SETBP1: variants seen among roughly 807,000 people sequenced by gnomAD.
SETBP1 encodes SET-binding protein.
Under a neutral mutation model 101.0 loss-of-function variants are expected in SETBP1, and 9 were observed. That is an observed-to-expected ratio of 0.09 (90% CI 0.05 to 0.16). The LOEUF (loss-of-function observed/expected upper bound fraction) is 0.16, where lower values mean the gene tolerates loss of function less well. SETBP1 is among the 10% of genes least tolerant of loss of function. SETBP1 has a pLI of 1.00. For synonymous variants in SETBP1, 818 were observed against 788.5 expected (o/e 1.04, Z -0.63); for missense variants, 1,858 against 2,033.8 (o/e 0.91, Z 1.66).
At position 44,951,703 on chromosome 18, in the gene SETBP1, G is replaced by T. The variant is rs2071356521; in HGVS notation, c.2363G>T (p.Gly788Val). The T allele has an allele frequency of 6.2e-7, 1 of 1,614,072 alleles. No individual in the cohort carries two copies. The highest frequency in any genetic ancestry group is 2.2e-5 in the East Asian group (1 of 44,874). ...PLSTQLGGSN[G>V]NLSPASTETN... is the part of the protein sequence containing the mutation. ...TCAACACAGTTAGGTGGGTCCAATG[G>T]CAACCTGAGCCCTGCCAGCACTGAA... Residue 788 changes from glycine (G) to valine (V), a missense_variant, in exon 4 of 6, where the codon GGC becomes GTC. Around this residue, in one of 12 missense-constraint regions of SETBP1, gnomAD observed 121 missense variants for 138.0 expected, o/e 0.88. Coordinates refer to ENST00000649279, the MANE Select transcript of SETBP1 (RefSeq NM_015559.3). This position sits in a 1 kb window ranked among gnomAD's most constrained non-coding sequence, Gnocchi z 7.8.
Position 44,953,088 on chromosome 18 carries a change from G to C in SETBP1, c.3748G>C (p.Asp1250His). ...QHWTQAKEKGDLSSEPVDSCT... is the reference protein window; with the variant it reads ...QHWTQAKEKGHLSSEPVDSCT... ...TTGGACACAGGCCAAGGAAAAAGGAGACTTGAGCAGTGAGCCTGTGGACTC... is the reference window on the plus strand; with the variant it reads ...TTGGACACAGGCCAAGGAAAAAGGACACTTGAGCAGTGAGCCTGTGGACTC... The change falls in exon 4 of 6, where the codon GAC (aspartate) becomes CAC (histidine). Residue 1250 changes from aspartate to histidine, a missense_variant. Physicochemically the swap from Asp to His is moderately conservative, Grantham distance 81. Around this residue, in one of 12 missense-constraint regions of SETBP1, gnomAD observed 417 missense variants for 389.1 expected, o/e 1.07. Transcript: ENST00000649279. 2.5e-6 allele frequency: 4 copies of C among 1,614,206 alleles called. No individual in the cohort carries two copies. Among genetic ancestry groups the C allele is most frequent in the Non-Finnish European group, 3.4e-6 (4 of 1,180,034 alleles).
intron 2 of SETBP1, among the ~76,000 whole-genome samples, chr18:44,765,393 T>C (rs2070745341): frequency 6.6e-6 from 1 of 152,244 alleles, no homozygotes; most frequent in Non-Finnish European, 1.5e-5. Context: ...TTTCCAGCTT[T>C]AAGCAGGCAT....
intron 2 of SETBP1, among the ~76,000 whole-genome samples, chr18:44,841,602 G>A (rs2072619432): frequency 6.6e-6 from 1 of 152,216 alleles, no homozygotes. Flanking sequence ...TTGACTGCTA[G>A]TTCAGTGCCT....
At chr18:44,697,712 G>A (rs998912153) in intron 1 of SETBP1, among the ~76,000 whole-genome samples, 2 of 152,220 alleles carry the variant, frequency 1.3e-5, no homozygotes, top group Non-Finnish European at 2.9e-5. Flanking sequence ...GACAATACAA[G>A]GCTGGTATTT....
chr18:44,743,752 G>T (rs1006751352), intron 2 of SETBP1, among the ~76,000 whole-genome samples: 2 of 151,988 alleles, frequency 1.3e-5, no homozygotes, highest in Non-Finnish European at 1.5e-5. Context: ...CTTTTGTTTC[G>T]ATTTTATTCT....
chr18:44,970,401 A>G lies in SETBP1; in HGVS notation c.4000+17061A>G, dbSNP rs143995374. Among the ~76,000 whole-genome samples the G allele has an allele frequency of 8.5e-3, 1,290 of 152,352 alleles. 22 individuals are homozygous for G. The highest frequency in any genetic ancestry group is 0.029 in the African/African-American group (1,225 of 41,576). ...ATATGTAGCAGAATGCCTGACTCAT[A>G]GAAAATATACCATAAATGTTAGTGG... On this transcript the variant is annotated intron_variant, in intron 4 of 5. Coordinates refer to ENST00000649279, the MANE Select transcript of SETBP1 (RefSeq NM_015559.3).
intron 2 of SETBP1, among the ~76,000 whole-genome samples, chr18:44,835,510 C>CT (rs1161344360): frequency 1.3e-5 from 2 of 152,100 alleles, no homozygotes; most frequent in African/African-American, 4.8e-5. Flanking sequence ...CCAACTAATA[C>CT]TTTTTTTGTC....
intron 3 of SETBP1, among the ~76,000 whole-genome samples, chr18:44,897,406 T>G (rs752506065): frequency 2.6e-5 from 4 of 152,186 alleles, no homozygotes; most frequent in Non-Finnish European, 5.9e-5. Context: ...GTCGAACATA[T>G]GGAGGCTCTG....
chr18:44,908,502 A>G (rs1472739497), intron 3 of SETBP1, among the ~76,000 whole-genome samples: 6 of 152,182 alleles, frequency 3.9e-5, no homozygotes, highest in African/African-American at 1.2e-4. Context: ...TCAATGAGCA[A>G]TAAGTATCAG....
At chr18:44,875,713 G>GT (rs1440022321) in intron 3 of SETBP1, among the ~76,000 whole-genome samples, 1 of 151,988 alleles carries the variant, frequency 6.6e-6, no homozygotes, top group African/African-American at 2.4e-5. Flanking sequence ...AATTTTACGT[G>GT]TATTTTGTCA....
At chr18:44,735,885 C>G (rs1224473928) in intron 2 of SETBP1, among the ~76,000 whole-genome samples, 1 of 152,172 alleles carries the variant, frequency 6.6e-6, no homozygotes, top group Non-Finnish European at 1.5e-5. Context: ...AGTCCTTTTT[C>G]ATAAAACATC....
Position 45,049,893 on chromosome 18 carries a change from T to C in SETBP1, c.4171+11238T>C, listed in dbSNP as rs79281970. On this transcript the variant is annotated intron_variant, in intron 5 of 5. Coordinates refer to ENST00000649279, the MANE Select transcript of SETBP1 (RefSeq NM_015559.3). ...AATACAGACAAGAGTATAAAATTAA[T>C]GAGGAAACCCAGGTTTTATCAGTCT... 9.8e-5 allele frequency among the ~76,000 whole-genome samples: 15 copies of C among 152,298 alleles called. 1 individual carries two copies. In the East Asian group the frequency reaches 2.5e-3, roughly 25 times the overall value.
At chr18:44,797,813 C>A (rs921249223) in intron 2 of SETBP1, among the ~76,000 whole-genome samples, 1 of 152,046 alleles carries the variant, frequency 6.6e-6, no homozygotes, top group Non-Finnish European at 1.5e-5. Context: ...CATATTTTGC[C>A]CACAATTATA....
chr18:44,775,632 C>G (rs889423516), intron 2 of SETBP1, among the ~76,000 whole-genome samples: 1 of 150,896 alleles, frequency 6.6e-6, no homozygotes, highest in Non-Finnish European at 1.5e-5. Context: ...TTCCTTCACT[C>G]AATTCAGGTG....
Position 44,950,090 on chromosome 18 carries a change from G to T in SETBP1, c.750G>T (p.Lys250Asn). ...ESGRETASTS[K>N]IPALEPVASF... The stretch of plus-strand genomic sequence containing the variant: ...GCAGAGAAACTGCAAGCACCAGCAA[G>T]ATCCCCGCTCTTGAGCCCGTGGCTT... The change falls in exon 4 of 6, where the codon AAG (lysine) becomes AAT (asparagine). Residue 250 changes from lysine to asparagine, a missense_variant. This residue lies in a region of SETBP1 where 581 missense variants were observed against 535.1 expected (regional missense o/e 1.09). Transcript: ENST00000649279. 1 of 1,614,192 alleles carries T rather than the reference G, an allele frequency of 6.2e-7. No homozygotes were observed. Among genetic ancestry groups the T allele is most frequent in the East Asian group, 2.2e-5 (1 of 44,876 alleles).
chr18:44,955,197 T>G (rs1310274841), intron 4 of SETBP1, among the ~76,000 whole-genome samples: 2 of 152,234 alleles, frequency 1.3e-5, no homozygotes, highest in African/African-American at 2.4e-5. Flanking sequence ...GTCCAGTCAC[T>G]GTGTGCCCCC....
At chr18:44,953,442 G>A (rs2145117638) in intron 4 of SETBP1, 102 bp downstream of exon 4, 2 of 1,055,866 alleles carry the variant, frequency 1.9e-6, no homozygotes, top group African/African-American at 1.6e-5. Flanking sequence ...AGTTTGCAAA[G>A]AGGTGGGAAT....
chr18:45,024,438 C>T (rs1198313808), intron 4 of SETBP1, among the ~76,000 whole-genome samples: 1 of 152,128 alleles, frequency 6.6e-6, no homozygotes, highest in African/African-American at 2.4e-5. Context: ...ATCTTTGACT[C>T]AGAGGCAATA....
chr18:44,816,320 A>T (rs371911299), intron 2 of SETBP1, among the ~76,000 whole-genome samples: 1 of 152,122 alleles, frequency 6.6e-6, no homozygotes, highest in African/African-American at 2.4e-5. Context: ...AAAGGCTACA[A>T]TGCAAATTCT....
Sources: allele counts gnomAD v4.1 joint callset (sites outside exome capture counted in the v4.1 genomes callset), GRCh38; gene constraint gnomAD v4.1.1; regional missense constraint gnomAD v4.1.1; non-coding constraint Gnocchi (gnomAD v3.1); transcripts MANE v1.5; gene names NCBI Gene and HGNC (gene_info 2026-07-23, HGNC 2026-07-21).